The following PARP8 variants were observed in gnomAD, a reference collection of about 807,000 sequenced individuals.
PARP8 encodes the protein protein mono-ADP-ribosyltransferase PARP8.
PARP8 carries 51 observed loss-of-function variants against 124.1 expected under a neutral mutation model. The observed-to-expected ratio is 0.41, with a 90% CI of 0.33 to 0.52. The LOEUF (loss-of-function observed/expected upper bound fraction) is 0.52, where lower values mean the gene tolerates loss of function less well. PARP8 is among the 20% of genes least tolerant of loss of function. PARP8 has a pLI of 0.21. For missense variants in PARP8, 860 were observed against 1,018.9 expected, an observed-to-expected ratio of 0.84 and a Z score of 2.12; for synonymous variants, 391 against 361.5, an observed-to-expected ratio of 1.08 and a Z score of -0.93.
At chr5:50,769,487 C>T (rs2548582) in intron 7 of PARP8, among the ~76,000 whole-genome samples, 23,228 of 151,854 alleles carry the variant, frequency 0.15, 2,163 homozygotes, top group African/African-American at 0.26. Flanking sequence ...TAAAAAGTAA[C>T]TAAACAACAT....
intron 4 of PARP8, 25 bp from the exon 5 acceptor site, chr5:50,760,267 T>G (rs756485100): frequency 3.7e-5 from 55 of 1,471,798 alleles, no homozygotes; most frequent in Admixed American, 6.4e-5. Context: ...ATCATAATAT[T>G]TTTTAAATTA....
At chr5:50,709,846 T>A (rs1483426273) in intron 2 of PARP8, among the ~76,000 whole-genome samples, 2 of 13,150 alleles carry the variant, frequency 1.5e-4, no homozygotes, top group African/African-American at 2.3e-4. Context: ...TGTACAAGAG[T>A]GTGTGTGTGT....
In PARP8 at chr5:50,765,198, G is replaced by T. The variant is rs566688282; in HGVS notation, c.518+1956G>T. On this transcript the variant is annotated intron_variant, in intron 7 of 25. Coordinates refer to ENST00000281631, the MANE Select transcript of PARP8 (RefSeq NM_024615.4). ...AATCGCTTGAACTCAGGGGGCGGAG[G>T]TTGCAGTGAGCTGAGATCGTGGCAT... Among the ~76,000 whole-genome samples the T allele has an allele frequency of 1.3e-4, 20 of 151,812 alleles. No individual in the cohort carries two copies. In the South Asian group the frequency reaches 3.7e-3, roughly 28 times the overall value.
intron 3 of PARP8, among the ~76,000 whole-genome samples, chr5:50,757,558 A>G (rs545174784): frequency 2.0e-5 from 3 of 152,284 alleles, no homozygotes; most frequent in South Asian, 2.1e-4. Context: ...AGGAAATTAC[A>G]TGGGTTCTAA....
chr5:50,732,985 T>C (rs1757125523), intron 2 of PARP8, among the ~76,000 whole-genome samples: 1 of 151,796 alleles, frequency 6.6e-6, no homozygotes, highest in Non-Finnish European at 1.5e-5. Context: ...TTATTTCTCA[T>C]CTGTGGTCAT....
intron 3 of PARP8, among the ~76,000 whole-genome samples, chr5:50,758,198 C>A (rs1471822542): frequency 1.3e-5 from 2 of 152,038 alleles, no homozygotes; most frequent in Non-Finnish European, 2.9e-5. Context: ...TTATATTAAA[C>A]CTGTTTCTTA....
chr5:50,741,959 C>A, intron 2 of PARP8: 1 of 385,278 alleles, frequency 2.6e-6, no homozygotes, highest in Non-Finnish European at 5.0e-6. Flanking sequence ...CAGGTGCACA[C>A]AACCACGCCT....
intron 2 of PARP8, among the ~76,000 whole-genome samples, chr5:50,690,766 C>A (rs1394224105): frequency 6.6e-6 from 1 of 152,126 alleles, no homozygotes; most frequent in Non-Finnish European, 1.5e-5. Context: ...TGATTTCCAT[C>A]CCCAGCCAAA....
In PARP8 at chr5:50,813,839, G is replaced by A. The variant is rs1180862654; in HGVS notation, c.1576-1593G>A. On this transcript the variant is annotated intron_variant, in intron 14 of 25. Transcript: ENST00000281631. ...TGTATATGTACACGCACACAGACAC[G>A]CACACACACACACAAATATACGTAT... Among the ~76,000 whole-genome samples, 4 of 151,436 alleles carry A rather than the reference G, an allele frequency of 2.6e-5. No homozygotes were observed. The South Asian group carries it at 6.2e-4, about 24-fold the overall frequency.
chr5:50,833,250 GA>G (rs1212144725), intron 23 of PARP8, among the ~76,000 whole-genome samples: 2 of 152,176 alleles, frequency 1.3e-5, no homozygotes, highest in African/African-American at 4.8e-5. Flanking sequence ...TCAGGTGGAA[GA>G]GGGATCTGGG....
chr5:50,778,235 C>T (rs1257442040), intron 8 of PARP8, 106 bp downstream of exon 8: 2 of 834,030 alleles, frequency 2.4e-6, no homozygotes, highest in African/African-American at 3.5e-5. Context: ...CTATTAGTTA[C>T]ATATTGACTG....
intron 2 of PARP8, among the ~76,000 whole-genome samples, chr5:50,733,965 C>A (rs16884740): frequency 0.043 from 6,589 of 152,172 alleles, 457 homozygotes; most frequent in African/African-American, 0.15. Flanking sequence ...ATAGCATTTC[C>A]TTATTTTCTT....
chr5:50,781,478 A>G (rs780640727), intron 9 of PARP8, among the ~76,000 whole-genome samples: 1 of 152,220 alleles, frequency 6.6e-6, no homozygotes, highest in Non-Finnish European at 1.5e-5. Context: ...GAGGAAAGAA[A>G]GAGAATTCCA....
At chr5:50,699,162 G>A (rs1397243798) in intron 2 of PARP8, among the ~76,000 whole-genome samples, 1 of 152,062 alleles carries the variant, frequency 6.6e-6, no homozygotes, top group Non-Finnish European at 1.5e-5. Context: ...ACTCTCCACC[G>A]ACTGTACCTT....
chr5:50,780,015 T>A (rs577080011), intron 9 of PARP8, among the ~76,000 whole-genome samples: 2 of 152,300 alleles, frequency 1.3e-5, no homozygotes, highest in South Asian at 4.1e-4. Flanking sequence ...TATAAATATG[T>A]AATAAGAAAA....
chr5:50,765,362 G>A (rs1230534487), intron 7 of PARP8, among the ~76,000 whole-genome samples: 1 of 152,040 alleles, frequency 6.6e-6, no homozygotes, highest in Non-Finnish European at 1.5e-5. Flanking sequence ...TTTCCATGCT[G>A]TCTAGGCCCC....
chr5:50,834,660 T>C (rs1297917919), intron 24 of PARP8, among the ~76,000 whole-genome samples: 1 of 152,202 alleles, frequency 6.6e-6, no homozygotes, highest in African/African-American at 2.4e-5. Context: ...TACATAGTTC[T>C]TAAGTCAGGA....
chr5:50,695,295 T>C lies in PARP8; in HGVS notation c.146+27170T>C, dbSNP rs567747473. On this transcript the variant is annotated intron_variant, in intron 2 of 25. Transcript: ENST00000281631. ...ACTGAATTGTCAGTCATCATGTAGA[T>C]CTGAACTGTAGGTGTCACCATGACC... Among the ~76,000 whole-genome samples the C allele has an allele frequency of 9.2e-5, 14 of 152,320 alleles. No individual in the cohort carries two copies. The South Asian group carries it at 1.5e-3, about 16-fold the overall frequency.
At chr5:50,720,737 G>GCTATA (rs1561287248) in intron 2 of PARP8, among the ~76,000 whole-genome samples, 1 of 26,624 alleles carries the variant, frequency 3.8e-5, no homozygotes, top group Non-Finnish European at 8.3e-5. Flanking sequence ...AGTAGTAACT[G>GCTATA]CCATACTCCT....
Sources: allele counts gnomAD v4.1 joint callset (sites outside exome capture counted in the v4.1 genomes callset), GRCh38; gene constraint gnomAD v4.1.1; transcripts MANE v1.5; gene names NCBI Gene and HGNC (gene_info 2026-07-23, HGNC 2026-07-21).